Variants in EYA4 observed in about 807,000 individuals in gnomAD.
EYA4 encodes EYA transcriptional coactivator and phosphatase 4.
In EYA4, 31 loss-of-function variants were observed where a neutral mutation model predicts 87.9. The observed-to-expected ratio is 0.35, with a 90% confidence interval of 0.27 to 0.48. The LOEUF is 0.48. EYA4 is among the 20% of genes least tolerant of loss of function. EYA4 has a pLI of 0.99. For missense variants in EYA4, 678 were observed against 761.4 expected, an observed-to-expected ratio of 0.89 and a Z score of 1.29; for synonymous variants, 263 against 270.6, an observed-to-expected ratio of 0.97 and a Z score of 0.28.
At chr6:133,352,359 T>TC (rs756573594) in intron 2 of EYA4, among the ~76,000 whole-genome samples, 5,039 of 147,966 alleles carry the variant, frequency 0.034, 235 homozygotes, top group African/African-American at 0.11. Context: ...TTGTGTTGAC[T>TC]GTTTTTTGTT....
intron 17 of EYA4, among the ~76,000 whole-genome samples, chr6:133,520,935 C>T (rs1800065547): frequency 1.3e-5 from 2 of 150,144 alleles, no homozygotes; most frequent in Admixed American, 1.3e-4. Context: ...AACTGGATCC[C>T]TTCCTTACAC....
At chr6:133,285,568 T>C (rs60411491) in intron 2 of EYA4, among the ~76,000 whole-genome samples, 27,403 of 152,130 alleles carry the variant, frequency 0.18, 2,897 homozygotes, top group East Asian at 0.41. Context: ...ACTTTTTCTC[T>C]TAGTGACATG....
rs1197302464 is a variant in EYA4, at chr6:133,506,100, T to G, written c.1192-6T>G. On this transcript the variant is annotated splice_region_variant and splice_polypyrimidine_tract_variant and intron_variant, in intron 13 of 19. Coordinates refer to ENST00000355286, the MANE Select transcript of EYA4 (RefSeq NM_004100.5). ...TTACCTCATTATGTGTACATTTTCT[T>G]TACAGGATCCCCCCATGGCTGTAAC... 1.3e-6 allele frequency: 2 copies of G among 1,579,630 alleles called. No individual in the cohort carries two copies. Among genetic ancestry groups the G allele is most frequent in the South Asian group, 2.2e-5 (2 of 90,388 alleles).
intron 2 of EYA4, among the ~76,000 whole-genome samples, chr6:133,350,514 T>G (rs184528254): frequency 5.3e-4 from 81 of 152,108 alleles, no homozygotes; most frequent in Admixed American, 5.3e-3. Flanking sequence ...GGGCAGAGCT[T>G]CTAGACAATG....
At chr6:133,294,398 T>G (rs1778790242) in intron 2 of EYA4, among the ~76,000 whole-genome samples, 1 of 150,722 alleles carries the variant, frequency 6.6e-6, no homozygotes, top group Non-Finnish European at 1.5e-5. Flanking sequence ...GAGACAGTCT[T>G]ACTTCATTGC....
At chr6:133,417,460 G>A (rs1452208851) in intron 3 of EYA4, among the ~76,000 whole-genome samples, 1 of 152,000 alleles carries the variant, frequency 6.6e-6, no homozygotes, top group Non-Finnish European at 1.5e-5. Context: ...TGGAGTGAAT[G>A]GGAAAAAGAA....
intron 9 of EYA4, among the ~76,000 whole-genome samples, chr6:133,463,416 A>G (rs892485217): frequency 7.0e-5 from 10 of 143,150 alleles, no homozygotes; most frequent in African/African-American, 2.7e-4. Flanking sequence ...CTGGAGTGCA[A>G]TGGCATGATC....
intron 11 of EYA4, among the ~76,000 whole-genome samples, chr6:133,476,217 T>G (rs929046478): frequency 6.6e-6 from 1 of 152,124 alleles, no homozygotes; most frequent in Non-Finnish European, 1.5e-5. Flanking sequence ...TTGAGCTGAT[T>G]AACATATGCA....
intron 17 of EYA4, among the ~76,000 whole-genome samples, chr6:133,522,762 A>G (rs906895494): frequency 2.0e-5 from 3 of 152,136 alleles, no homozygotes; most frequent in South Asian, 2.1e-4. Context: ...TCATTCTACC[A>G]TGTTTTCATT....
At chr6:133,376,175 A>G (rs1271786220) in intron 2 of EYA4, among the ~76,000 whole-genome samples, 8 of 151,832 alleles carry the variant, frequency 5.3e-5, no homozygotes, top group Admixed American at 3.3e-4. Context: ...TTTGGAAAAA[A>G]ATATTTTTCT....
At chr6:133,390,889 A>T (rs1787205694) in intron 3 of EYA4, among the ~76,000 whole-genome samples, 1 of 152,160 alleles carries the variant, frequency 6.6e-6, no homozygotes, top group South Asian at 2.1e-4. Context: ...GCTTCATAGA[A>T]GATTGGGGGG....
chr6:133,253,472 T>C lies in EYA4; in HGVS notation c.-66+11723T>C, dbSNP rs76032589. Among the ~76,000 whole-genome samples, 373 of 152,206 alleles carry C rather than the reference T, an allele frequency of 2.5e-3. 15 individuals carry two copies. In the East Asian group the frequency reaches 0.068, roughly 28 times the overall value. On this transcript the variant is annotated intron_variant, in intron 1 of 19. Transcript: ENST00000355286. ...CAAGTCACATATCTCCTTTCTCAGGTTGATTCTTTGTATAGTGGGTCCTAA... is the reference window on the plus strand; with the variant it reads ...CAAGTCACATATCTCCTTTCTCAGGCTGATTCTTTGTATAGTGGGTCCTAA...
Position 133,462,163 on chromosome 6 carries a change from G to C in EYA4, c.438-172G>C, listed in dbSNP as rs1206148134. ...TCTATGGTCACTAGATTGGCTTGTAGCAGAGCCTGAGCTCCTGACATTCAG... is the reference window on the plus strand; with the variant it reads ...TCTATGGTCACTAGATTGGCTTGTACCAGAGCCTGAGCTCCTGACATTCAG... On this transcript the variant is annotated intron_variant, in intron 7 of 19. Coordinates refer to ENST00000355286, the MANE Select transcript of EYA4 (RefSeq NM_004100.5). 8 of 750,414 alleles carry C rather than the reference G, an allele frequency of 1.1e-5. No individual in the cohort carries two copies. In the East Asian group the frequency reaches 2.1e-4, roughly 20 times the overall value. The allele number at this position is 750,414 out of a possible 1,614,324, so 46.5% of individuals were successfully genotyped here. A position where few individuals can be genotyped will look rare whatever the true frequency, so the allele number is the denominator to read the frequency against.
chr6:133,501,338 G>A (rs945050648), intron 13 of EYA4, among the ~76,000 whole-genome samples: 3 of 151,886 alleles, frequency 2.0e-5, no homozygotes, highest in Non-Finnish European at 4.4e-5. Context: ...ACCACATAAA[G>A]GTACGGGCTT....
intron 1 of EYA4, among the ~76,000 whole-genome samples, chr6:133,242,781 G>T (rs1774066454): frequency 6.6e-6 from 1 of 152,152 alleles, no homozygotes; most frequent in African/African-American, 2.4e-5. Flanking sequence ...TTTAATTTTT[G>T]TCATCTCTTC....
chr6:133,509,200 T>C (rs1798915375), intron 14 of EYA4, among the ~76,000 whole-genome samples: 1 of 152,202 alleles, frequency 6.6e-6, no homozygotes, highest in African/African-American at 2.4e-5. Flanking sequence ...CATCTGACTT[T>C]GAAAGGCAGT....
At chr6:133,287,676 A>G (rs909602322) in intron 2 of EYA4, among the ~76,000 whole-genome samples, 4 of 152,254 alleles carry the variant, frequency 2.6e-5, no homozygotes, top group Non-Finnish European at 1.5e-5. Context: ...TAACCTGGAC[A>G]TAATGGAAAA....
chr6:133,250,115 C>G (rs1280038616), intron 1 of EYA4, among the ~76,000 whole-genome samples: 2 of 152,158 alleles, frequency 1.3e-5, no homozygotes, highest in African/African-American at 4.8e-5. Flanking sequence ...GTGGGACTAC[C>G]TCAATAACAA....
At chr6:133,286,221 A>C (rs1403379078) in intron 2 of EYA4, among the ~76,000 whole-genome samples, 1 of 152,190 alleles carries the variant, frequency 6.6e-6, no homozygotes, top group African/African-American at 2.4e-5. Context: ...AGTGCACTGC[A>C]TGGGGGGCAC....
Sources: allele counts gnomAD v4.1 joint callset (sites outside exome capture counted in the v4.1 genomes callset), GRCh38; gene constraint gnomAD v4.1.1; transcripts MANE v1.5; gene names NCBI Gene and HGNC (gene_info 2026-07-23, HGNC 2026-07-21).